The following LDLRAD2 variants were observed in gnomAD, a reference collection of about 807,000 sequenced individuals.
The protein encoded by LDLRAD2 is low density lipoprotein receptor class A domain containing 2.
Under a neutral mutation model 24.9 loss-of-function variants are expected in LDLRAD2, and 25 were observed. The ratio of observed to expected loss-of-function variants is 1.00; its 90% CI spans 0.73 to 1.40. The LOEUF (loss-of-function observed/expected upper bound fraction) is 1.40, where lower values mean the gene tolerates loss of function less well. LDLRAD2 is among the 40% of genes most tolerant of loss of function. The probability of loss-of-function intolerance (pLI) is 0.00; values close to 1 mark genes in which losing one functional copy is unlikely to be tolerated. For synonymous variants in LDLRAD2, 182 were observed against 166.7 expected (o/e 1.09, Z -0.71); for missense variants, 391 against 366.2 (o/e 1.07, Z -0.55).
Position 21,823,546 on chromosome 1 carries a change from G to A in LDLRAD2, c.*1331G>A, listed in dbSNP as rs946835219. On this transcript the variant is annotated 3_prime_UTR_variant, in exon 5 of 5. Coordinates refer to ENST00000344642, the MANE Select transcript of LDLRAD2 (RefSeq NM_001013693.3). Reference sequence around the variant, plus strand: ...CTCCAGCAGCCCAGGAGGCGAGGAAGGCTGGGCGAGCTCTAGCCCTAAGGG... The same window carrying A: ...CTCCAGCAGCCCAGGAGGCGAGGAAAGCTGGGCGAGCTCTAGCCCTAAGGG... 3.1e-5 allele frequency: 50 copies of A among 1,609,198 alleles called. No individual in the cohort carries two copies. The highest frequency in any genetic ancestry group is 3.1e-5 in the Non-Finnish European group (36 of 1,177,432).
intron 3 of LDLRAD2, among the ~76,000 whole-genome samples, chr1:21,817,574 C>T (rs2097945179): frequency 6.6e-6 from 1 of 152,122 alleles, no homozygotes; most frequent in South Asian, 2.1e-4. Context: ...CTCCTGGACT[C>T]AAGATCTTCC....
rs1031218357 is a variant in LDLRAD2 at position 21,824,168 on chromosome 1, A to G, written c.*1953A>G. 8.1e-6 allele frequency: 13 copies of G among 1,613,618 alleles called. No individual in the cohort carries two copies. In the African/African-American group the frequency reaches 1.6e-4, roughly 20 times the overall value. On this transcript the variant is annotated 3_prime_UTR_variant, in exon 5 of 5. Transcript: ENST00000344642. The surrounding 1 kb of genome is among the most constrained non-coding windows in gnomAD (Gnocchi z 5.9). The stretch of plus-strand genomic sequence containing the variant: ...ACTCGCCGTCATTGATGGGGTCCTC[A>G]GAGACCAGGCGGGCCTCCCCACTAC...
At chr1:21,819,699 A>G (rs1247930009) in intron 3 of LDLRAD2, among the ~76,000 whole-genome samples, 1 of 152,166 alleles carries the variant, frequency 6.6e-6, no homozygotes, top group Non-Finnish European at 1.5e-5. Context: ...CCGTTTGGGC[A>G]GATACAAAGT....
At position 21,823,409 on chromosome 1, in the gene LDLRAD2, C is replaced by T. The variant is rs1272238290; in HGVS notation, c.*1194C>T. 1.9e-6 allele frequency: 3 copies of T among 1,578,790 alleles called. No homozygotes were observed. In the South Asian group the frequency reaches 3.4e-5, roughly 18 times the overall value. ...GCGGGGCGCCGGGTCGGGCCGAGTGCAGCACCAGGTTCTTGACACAGCCTG... is the reference window on the plus strand; with the variant it reads ...GCGGGGCGCCGGGTCGGGCCGAGTGTAGCACCAGGTTCTTGACACAGCCTG... On this transcript the variant is annotated 3_prime_UTR_variant, in exon 5 of 5. Transcript: ENST00000344642.
At chr1:21,818,035 C>T (rs894653376) in intron 3 of LDLRAD2, among the ~76,000 whole-genome samples, 3 of 151,490 alleles carry the variant, frequency 2.0e-5, no homozygotes, top group Non-Finnish European at 2.9e-5. Context: ...CACCACCACG[C>T]TCAGCTAATT....
In LDLRAD2 at chr1:21,823,296, C is replaced by G. The variant is rs568643216; in HGVS notation, c.*1081C>G. On this transcript the variant is annotated 3_prime_UTR_variant, in exon 5 of 5. Coordinates refer to ENST00000344642, the MANE Select transcript of LDLRAD2 (RefSeq NM_001013693.3). ...CGGGCTGGGGCGTGGCCCGGGAGTC[C>G]GTGTGGGGCAGGCAGGTGCCTACGA... The G allele has an allele frequency of 8.0e-6, 12 of 1,500,298 alleles. No homozygotes were observed. Among genetic ancestry groups the G allele is most frequent in the Non-Finnish European group, 1.1e-5 (12 of 1,125,506 alleles). 92.9% of individuals were successfully genotyped at this position (1,500,298 alleles called of 1,614,324 possible).
chr1:21,817,819 T>A (rs983380636), intron 3 of LDLRAD2, among the ~76,000 whole-genome samples: 1 of 152,156 alleles, frequency 6.6e-6, no homozygotes, highest in Non-Finnish European at 1.5e-5. Flanking sequence ...CCTCATGTCC[T>A]TTTTCTGTCC....
chr1:21,823,493 C>G lies in LDLRAD2; in HGVS notation c.*1278C>G, dbSNP rs376645617. The G allele has an allele frequency of 6.2e-6, 10 of 1,604,494 alleles. No homozygotes were observed. The highest frequency in any genetic ancestry group is 1.1e-5 in the South Asian group (1 of 90,612). On this transcript the variant is annotated 3_prime_UTR_variant, in exon 5 of 5. Transcript: ENST00000344642. The stretch of plus-strand genomic sequence containing the variant: ...TGGCCACGTCAGGGGCTCCGCCTGC[C>G]GGGAGGTGAGAGGACAGGGCCTGTG...
In LDLRAD2 at chr1:21,814,801, C is replaced by T; in HGVS notation, c.489C>T (p.Gly163=). The T allele has an allele frequency of 2.0e-6, 3 of 1,475,992 alleles. No individual in the cohort carries two copies. The highest frequency in any genetic ancestry group is 2.7e-6 in the Non-Finnish European group (3 of 1,120,650). 91.4% of individuals were successfully genotyped at this position (1,475,992 alleles called of 1,614,324 possible). A position where few individuals can be genotyped will look rare whatever the true frequency, so the allele number is the denominator to read the frequency against. ...RGRQPRVDFV[G]EVTSFRLGPC... ...GCCAGCCCCGCGTGGACTTCGTGGGCGAAGTCACCTCTTTCCGTCTGGGTG... is the reference window on the plus strand; with the variant it reads ...GCCAGCCCCGCGTGGACTTCGTGGGTGAAGTCACCTCTTTCCGTCTGGGTG... Residue 163 remains glycine, a synonymous_variant, in exon 2 of 5, where the codon GGC becomes GGT. Coordinates refer to ENST00000344642, the MANE Select transcript of LDLRAD2 (RefSeq NM_001013693.3).
intron 2 of LDLRAD2, 39 bp from the exon 3 acceptor site, chr1:21,815,904 A>G (rs1416189885): frequency 9.3e-6 from 15 of 1,610,518 alleles, no homozygotes; most frequent in Non-Finnish European, 1.3e-5. Context: ...CGTGGGCTGG[A>G]CCGGAATCCT....
intron 3 of LDLRAD2, among the ~76,000 whole-genome samples, chr1:21,817,938 G>A (rs951950047): frequency 2.6e-5 from 4 of 152,056 alleles, no homozygotes; most frequent in Non-Finnish European, 4.4e-5. Flanking sequence ...CTGCAGTGGC[G>A]TGATCTCGGC....
chr1:21,821,067 C>T (rs765486313), intron 3 of LDLRAD2, among the ~76,000 whole-genome samples: 13 of 152,244 alleles, frequency 8.5e-5, no homozygotes, highest in South Asian at 2.1e-4. Flanking sequence ...CATGGTGGCA[C>T]GTGCTGGTAG....
intron 3 of LDLRAD2, among the ~76,000 whole-genome samples, chr1:21,818,307 C>G (rs368515034): frequency 6.6e-6 from 1 of 152,200 alleles, no homozygotes; most frequent in African/African-American, 2.4e-5. Context: ...CCTCCGCACC[C>G]GGCCTCATGT....
At chr1:21,813,610 G>A (rs1317797686) in intron 1 of LDLRAD2, among the ~76,000 whole-genome samples, 1 of 152,172 alleles carries the variant, frequency 6.6e-6, no homozygotes, top group Non-Finnish European at 1.5e-5. Flanking sequence ...GTACCAGTGA[G>A]GATGTTTTGG....
rs1009337264 is a variant in LDLRAD2 at position 21,814,318 on chromosome 1, G to A, written c.86-80G>A. 1.9e-5 allele frequency: 23 copies of A among 1,226,138 alleles called. No individual in the cohort carries two copies. In the African/African-American group the frequency reaches 3.5e-4, roughly 19 times the overall value. 76.0% of individuals were successfully genotyped at this position (1,226,138 alleles called of 1,614,324 possible). On this transcript the variant is annotated intron_variant, in intron 1 of 4. Coordinates refer to ENST00000344642, the MANE Select transcript of LDLRAD2 (RefSeq NM_001013693.3). Reference sequence around the variant, plus strand: ...CTCAGAGAGGGCGAGTAACTCGCTTGGGATCACACAGCGGGCAGGGGACAG... The same window carrying A: ...CTCAGAGAGGGCGAGTAACTCGCTTAGGATCACACAGCGGGCAGGGGACAG...
At position 21,822,260 on chromosome 1, in the gene LDLRAD2, G is replaced by C; in HGVS notation, c.*45G>C. 6.3e-7 allele frequency: 1 copy of C among 1,589,824 alleles called. No individual in the cohort carries two copies. The highest frequency in any genetic ancestry group is 1.3e-5 in the African/African-American group (1 of 74,556). Reference sequence around the variant, plus strand: ...GGAGGCCCCTGGCGGGGATAGCACCGTTTATTAAGAAAAATCAAGACAAAG... The same window carrying C: ...GGAGGCCCCTGGCGGGGATAGCACCCTTTATTAAGAAAAATCAAGACAAAG... On this transcript the variant is annotated 3_prime_UTR_variant, in exon 5 of 5. Transcript: ENST00000344642.
chr1:21,814,618 C>CCCGG lies in LDLRAD2; in HGVS notation c.310_313dup (p.Asp105GlyfsTer89), dbSNP rs766222408. 6.2e-7 allele frequency: 1 copy of CCCGG among 1,609,604 alleles called. No individual in the cohort carries two copies. The highest frequency in any genetic ancestry group is 2.2e-5 in the East Asian group (1 of 44,758). ...CGGCGCTCAACACCTCCTCCCCGGC[C>CCCGG]CCGGCCGACCCGTGCGCCCCCGGCT... On this transcript the variant is annotated frameshift_variant, in exon 2 of 5. Coordinates refer to ENST00000344642, the MANE Select transcript of LDLRAD2 (RefSeq NM_001013693.3). LOFTEE classifies it high-confidence loss of function.
chr1:21,816,048 GCTCCTGGTCA>G lies in LDLRAD2; in HGVS notation c.619_628del (p.Ser207GlnfsTer25), dbSNP rs2097943595. 2 of 1,613,406 alleles carry G rather than the reference GCTCCTGGTCA, an allele frequency of 1.2e-6. No individual in the cohort carries two copies. ...AACTGTGGCGATGGCAGTGACCAGGGCTCCTGGTCACCAGCTGACTGCAGAGGTCAGTGCG... is the reference window on the plus strand; with the variant it reads ...AACTGTGGCGATGGCAGTGACCAGGGCCAGCTGACTGCAGAGGTCAGTGCG... On this transcript the variant is annotated frameshift_variant, in exon 3 of 5. Transcript: ENST00000344642. LOFTEE classifies it high-confidence loss of function.
Position 21,822,259 on chromosome 1 carries a change from C to A in LDLRAD2, c.*44C>A. 1 of 1,590,110 alleles carries A rather than the reference C, an allele frequency of 6.3e-7. No individual in the cohort carries two copies. Among genetic ancestry groups the A allele is most frequent in the South Asian group, 1.1e-5 (1 of 90,610 alleles). ...AGGAGGCCCCTGGCGGGGATAGCAC[C>A]GTTTATTAAGAAAAATCAAGACAAA... On this transcript the variant is annotated 3_prime_UTR_variant, in exon 5 of 5. Coordinates refer to ENST00000344642, the MANE Select transcript of LDLRAD2 (RefSeq NM_001013693.3).
Sources: allele counts gnomAD v4.1 joint callset (sites outside exome capture counted in the v4.1 genomes callset), GRCh38; gene constraint gnomAD v4.1.1; non-coding constraint Gnocchi (gnomAD v3.1); transcripts MANE v1.5; gene names NCBI Gene and HGNC (gene_info 2026-07-23, HGNC 2026-07-21).